Variants in CDKN2C observed in about 807,000 individuals in gnomAD.
CDKN2C encodes the protein cyclin dependent kinase inhibitor 2C.
Under a neutral mutation model 11.0 loss-of-function variants are expected in CDKN2C, and 5 were observed. The ratio of observed to expected loss-of-function variants is 0.45; its 90% CI spans 0.24 to 0.95. The LOEUF (loss-of-function observed/expected upper bound fraction) is 0.95, where lower values mean the gene tolerates loss of function less well. Ranked by LOEUF, CDKN2C falls within the 40% of genes least tolerant of loss-of-function variation. The pLI is 0.21. For missense variants in CDKN2C, 161 were observed against 211.9 expected, an observed-to-expected ratio of 0.76 and a Z score of 1.49; for synonymous variants, 79 against 88.3, an observed-to-expected ratio of 0.89 and a Z score of 0.59.
intron 1 of CDKN2C, among the ~76,000 whole-genome samples, chr1:50,961,014 T>TTTTATTTA (rs139937761): frequency 0.1 from 14,959 of 149,500 alleles, 878 homozygotes; most frequent in African/African-American, 0.16. Context: ...GTCAGTCTAT[T>TTTTATTTA]TTTATTTATT....
Position 50,974,494 on chromosome 1 carries a change from A to T in CDKN2C, c.*224A>T. 1 of 417,602 alleles carries T rather than the reference A, an allele frequency of 2.4e-6. No individual in the cohort carries two copies. Among genetic ancestry groups the T allele is most frequent in the Admixed American group, 4.0e-5 (1 of 25,214 alleles). 25.9% of individuals were successfully genotyped at this position (417,602 alleles called of 1,614,324 possible). A position where few individuals can be genotyped will look rare whatever the true frequency, so the allele number is the denominator to read the frequency against. On this transcript the variant is annotated 3_prime_UTR_variant, in exon 2 of 2. Transcript: ENST00000371761. ...TAACATGTAATTGCAGATAACTTTGACTTTCTTCTGAATATTTTATCTTTC... is the reference window on the plus strand; with the variant it reads ...TAACATGTAATTGCAGATAACTTTGTCTTTCTTCTGAATATTTTATCTTTC...
intron 1 of CDKN2C, among the ~76,000 whole-genome samples, chr1:50,963,609 T>C (rs1645335168): frequency 6.6e-6 from 1 of 152,166 alleles, no homozygotes; most frequent in Non-Finnish European, 1.5e-5. Context: ...TTTATACCAT[T>C]CCCAAAGACA....
upstream of CDKN2C, chr1:50,969,086 C>T (rs938671704): frequency 1.3e-5 from 2 of 152,338 alleles, no homozygotes; most frequent in African/African-American, 4.8e-5. The surrounding 1 kb of genome is among the most constrained non-coding windows in gnomAD (Gnocchi z 6.6). Flanking sequence ...GGGCACAGGC[C>T]GGGGACCGCG....
chr1:50,963,673 T>G (rs1434028760), intron 1 of CDKN2C, among the ~76,000 whole-genome samples: 1 of 152,050 alleles, frequency 6.6e-6, no homozygotes, highest in Non-Finnish European at 1.5e-5. Context: ...GCATCCAGAG[T>G]GGTTATCTAC....
chr1:50,965,227 C>T (rs1041596159), intron 1 of CDKN2C, among the ~76,000 whole-genome samples: 3 of 148,888 alleles, frequency 2.0e-5, no homozygotes. Context: ...AGGCCGGGTG[C>T]GGTGGCTCAC....
intron 1 of CDKN2C, among the ~76,000 whole-genome samples, chr1:50,964,609 A>G (rs1019922568): frequency 2.0e-5 from 3 of 152,202 alleles, no homozygotes; most frequent in Non-Finnish European, 4.4e-5. Flanking sequence ...GGACTAATGG[A>G]AAAAGTATAA....
chr1:50,970,591 A>C (rs1645374477), intron 1 of CDKN2C, 94 bp downstream of exon 1: 10 of 1,429,090 alleles, frequency 7.0e-6, no homozygotes, highest in Non-Finnish European at 9.9e-6. Flanking sequence ...TCAGGGACAT[A>C]AAATTTCACT....
At chr1:50,967,957 CCTT>C (rs1260230626), upstream of CDKN2C, 8 of 152,236 alleles carry the variant, frequency 5.3e-5, no homozygotes, top group Non-Finnish European at 1.0e-4. Context: ...AGTTTCCAGT[CCTT>C]GATTAATTAA....
At chr1:50,972,555 A>C (rs1293156571) in intron 1 of CDKN2C, among the ~76,000 whole-genome samples, 1 of 152,052 alleles carries the variant, frequency 6.6e-6, no homozygotes, top group East Asian at 1.9e-4. Context: ...ATTTATTATA[A>C]ATTTAGATTA....
intron 1 of CDKN2C, among the ~76,000 whole-genome samples, chr1:50,972,656 A>C (rs1645386815): frequency 6.6e-6 from 1 of 152,152 alleles, no homozygotes; most frequent in African/African-American, 2.4e-5. Context: ...CAACTAAATT[A>C]TATGTATTTT....
At position 50,970,415 on chromosome 1, in the gene CDKN2C, G is replaced by C; in HGVS notation, c.47G>C (p.Gly16Ala). Residue 16 changes from glycine (G) to alanine (A), a missense_variant, in exon 1 of 2, where the codon GGG (glycine) becomes GCG (alanine). Gly to Ala is a moderately conservative substitution (Grantham distance 60, BLOSUM62 0). Transcript: ENST00000371761. ...GAGTTGGCGTCCGCAGCTGCCAGGG[G>C]GGACCTAGAGCAACTTACTAGTTTG... is the stretch of plus-strand genomic sequence containing the variant. ...GNELASAAAR[G>A]DLEQLTSLLQ... The C allele has an allele frequency of 1.2e-6, 2 of 1,614,104 alleles. No individual in the cohort carries two copies. Among genetic ancestry groups the C allele is most frequent in the Non-Finnish European group, 1.7e-6 (2 of 1,179,996 alleles).
intron 1 of CDKN2C, among the ~76,000 whole-genome samples, chr1:50,970,913 C>G (rs896429157): frequency 6.6e-6 from 1 of 152,108 alleles, no homozygotes; most frequent in Non-Finnish European, 1.5e-5. Flanking sequence ...TAGACTTTAA[C>G]GTTAATTTTC....
chr1:50,970,295 T>C lies in CDKN2C; in HGVS notation c.-74T>C. On this transcript the variant is annotated 5_prime_UTR_variant, in exon 1 of 2. Transcript: ENST00000371761. ...CAGTCTCCGATGCCATCATGCAGCC[T>C]GGTTAGGAGCAAAGGAAAGGGGAAA... is the stretch of plus-strand genomic sequence containing the variant. 6.3e-7 allele frequency: 1 copy of C among 1,584,268 alleles called. No homozygotes were observed. Among genetic ancestry groups the C allele is most frequent in the South Asian group, 1.1e-5 (1 of 89,926 alleles).
At chr1:50,966,700 G>A (rs1645348364), upstream of CDKN2C, among the ~76,000 whole-genome samples, 1 of 149,694 alleles carries the variant, frequency 6.7e-6, no homozygotes, top group Admixed American at 6.7e-5. Flanking sequence ...ACAGGCAGAT[G>A]AAGCATATGC....
At chr1:50,966,419 T>C (rs1418479237), upstream of CDKN2C, among the ~76,000 whole-genome samples, 1 of 152,200 alleles carries the variant, frequency 6.6e-6, no homozygotes, top group African/African-American at 2.4e-5. Flanking sequence ...AATATCTAAC[T>C]ATAAAGGCTA....
chr1:50,973,956 T>G lies in CDKN2C; in HGVS notation c.193T>G (p.Leu65Val). Residue 65 changes from leucine to valine, a missense_variant, in exon 2 of 2, where the codon TTG becomes GTG. Coordinates refer to ENST00000371761, the MANE Select transcript of CDKN2C (RefSeq NM_078626.3). ...RLLLRGANPD[L>V]KDRTGFAVIH... ...GCTACTTAGAGGTGCTAATCCCGATTTGAAAGACCGAACTGGTTTCGCTGT... is the reference window on the plus strand; with the variant it reads ...GCTACTTAGAGGTGCTAATCCCGATGTGAAAGACCGAACTGGTTTCGCTGT... 6.2e-7 allele frequency: 1 copy of G among 1,614,242 alleles called. No individual in the cohort carries two copies. Among genetic ancestry groups the G allele is most frequent in the East Asian group, 2.2e-5 (1 of 44,890 alleles).
intron 1 of CDKN2C, among the ~76,000 whole-genome samples, chr1:50,971,412 C>T (rs943200848): frequency 4.6e-5 from 7 of 152,058 alleles, no homozygotes; most frequent in African/African-American, 1.7e-4. Context: ...GGCTTTGTTT[C>T]GGTTACAAGA....
chr1:50,966,320 G>C (rs1479407728), upstream of CDKN2C, among the ~76,000 whole-genome samples: 1 of 152,094 alleles, frequency 6.6e-6, no homozygotes, highest in Non-Finnish European at 1.5e-5. Context: ...TGGGATTATA[G>C]GCGTGAGCCA....
upstream of CDKN2C, chr1:50,968,414 A>AT (rs1177392540): frequency 6.6e-6 from 1 of 152,312 alleles, no homozygotes; most frequent in Non-Finnish European, 1.5e-5. Flanking sequence ...CCCCGTAGGA[A>AT]TTGGGGCAGC....
Sources: allele counts gnomAD v4.1 joint callset (sites outside exome capture counted in the v4.1 genomes callset), GRCh38; gene constraint gnomAD v4.1.1; non-coding constraint Gnocchi (gnomAD v3.1); transcripts MANE v1.5; gene names NCBI Gene and HGNC (gene_info 2026-07-23, HGNC 2026-07-21).